The following LY75 variants were observed in gnomAD, a reference collection of about 807,000 sequenced individuals.
The protein encoded by LY75 is C-type lectin domain family 13 member B.
Under a neutral mutation model 231.7 loss-of-function variants are expected in LY75, and 185 were observed. The ratio of observed to expected loss-of-function variants is 0.80; its 90% CI spans 0.71 to 0.90. The LOEUF (loss-of-function observed/expected upper bound fraction) is 0.90, where lower values mean the gene tolerates loss of function less well. LY75 is among the 40% of genes least tolerant of loss of function. The pLI, the probability that LY75 is intolerant of heterozygous loss-of-function variation, is 0.00. For synonymous variants in LY75, 668 were observed against 689.0 expected, an observed-to-expected ratio of 0.97 and a Z score of 0.48; for missense variants, 1,947 against 2,050.2, an observed-to-expected ratio of 0.95 and a Z score of 0.97.
chr2:159,821,610 AGTCT>A (rs1171159404), intron 28 of LY75, among the ~76,000 whole-genome samples: 6 of 130,070 alleles, frequency 4.6e-5, no homozygotes, highest in African/African-American at 1.2e-4. Context: ...CAAGAGCAAA[AGTCT>A]GTCTCAAAAA....
chr2:159,856,933 A>G (rs1353495744), intron 16 of LY75, among the ~76,000 whole-genome samples: 1 of 152,170 alleles, frequency 6.6e-6, no homozygotes, highest in African/African-American at 2.4e-5. Context: ...AGCAGCTCCC[A>G]TCGAGGGCAC....
At chr2:159,806,008 C>T (rs7599275) in intron 34 of LY75, among the ~76,000 whole-genome samples, 6,773 of 152,238 alleles carry the variant, frequency 0.044, 199 homozygotes, top group East Asian at 0.095. Context: ...CAACTGGTAC[C>T]TCTGTCTGTT....
At chr2:159,899,083 T>G in intron 1 of LY75, 24 bp from the exon 2 acceptor site, 1 of 1,599,600 alleles carries the variant, frequency 6.3e-7, no homozygotes, top group South Asian at 1.1e-5. Flanking sequence ...ACAGACAGAT[T>G]GTAGATTATG....
At position 159,815,389 on chromosome 2, in the gene LY75, G is replaced by A; in HGVS notation, c.4549+16C>T. On this transcript the variant is annotated intron_variant, in intron 31 of 34. Coordinates refer to ENST00000263636, the MANE Select transcript of LY75 (RefSeq NM_002349.4). Reference sequence around the variant, plus strand: ...ACATTTTCATAAATGTACTGTTACTGAAATTGAAGTCTTACATTTTGTAGG... The same window carrying A: ...ACATTTTCATAAATGTACTGTTACTAAAATTGAAGTCTTACATTTTGTAGG... 1 of 1,577,322 alleles carries A rather than the reference G, an allele frequency of 6.3e-7. No homozygotes were observed.
chr2:159,837,874 C>A (rs1470403581), intron 25 of LY75, among the ~76,000 whole-genome samples: 1 of 152,174 alleles, frequency 6.6e-6, no homozygotes, highest in Non-Finnish European at 1.5e-5. Flanking sequence ...ACTAAGATGT[C>A]CCAATTCTTG....
chr2:159,880,790 A>C (rs1298276432), intron 8 of LY75, among the ~76,000 whole-genome samples: 2 of 152,168 alleles, frequency 1.3e-5, no homozygotes, highest in African/African-American at 4.8e-5. Flanking sequence ...AGTGCAACCT[A>C]GATCCCTTGC....
chr2:159,843,418 T>C (rs1198627218), intron 23 of LY75, among the ~76,000 whole-genome samples: 3 of 151,866 alleles, frequency 2.0e-5, no homozygotes, highest in African/African-American at 7.3e-5. Flanking sequence ...ATTAGCATAA[T>C]TGTCATAACG....
chr2:159,842,417 G>T, intron 23 of LY75, 43 bp from the exon 24 acceptor site: 1 of 1,563,766 alleles, frequency 6.4e-7, no homozygotes, highest in Non-Finnish European at 8.7e-7. Flanking sequence ...ATGTAACAAT[G>T]GTCTGAAGCT....
rs749089033 is a variant in LY75 at position 159,854,511 on chromosome 2, G to C, written c.2444C>G (p.Pro815Arg). The C allele has an allele frequency of 1.2e-6, 2 of 1,612,618 alleles. No homozygotes were observed. The highest frequency in any genetic ancestry group is 1.7e-6 in the Non-Finnish European group (2 of 1,179,312). Residue 815 changes from proline to arginine, a missense_variant, in exon 18 of 35, where the codon CCA becomes CGA. Physicochemically the swap from Pro to Arg is moderately radical, Grantham distance 103. Coordinates refer to ENST00000263636, the MANE Select transcript of LY75 (RefSeq NM_002349.4). ...ATATTCACTTCCTTCAATTATAAGT[G>C]GAGGTCCATGAATTCCAGCACGGTC... Reference protein sequence around the residue: ...NPDRAGIHGPPLIIEGSEYWF... With the variant: ...NPDRAGIHGPRLIIEGSEYWF...
At chr2:159,866,205 T>C (rs1351814900) in intron 13 of LY75, among the ~76,000 whole-genome samples, 2 of 152,062 alleles carry the variant, frequency 1.3e-5, no homozygotes, top group Admixed American at 6.6e-5. Flanking sequence ...TAGCTACAAG[T>C]CTACAGAGAA....
chr2:159,893,775 C>T, intron 3 of LY75, 139 bp downstream of exon 3: 2 of 1,264,308 alleles, frequency 1.6e-6, no homozygotes, highest in Non-Finnish European at 2.1e-6. Flanking sequence ...TTACCTCTCT[C>T]TTCTCCTCCA....
chr2:159,849,023 A>C (rs1262706455), intron 23 of LY75, among the ~76,000 whole-genome samples: 1 of 152,152 alleles, frequency 6.6e-6, no homozygotes, highest in East Asian at 1.9e-4. Context: ...TATGCTTAAA[A>C]GTTTAAACTG....
At chr2:159,824,856 C>CT (rs145316090) in intron 28 of LY75, among the ~76,000 whole-genome samples, 131,915 of 152,162 alleles carry the variant, frequency 0.87, 57,600 homozygotes, top group African/African-American at 0.97. Context: ...TCCTGAATGA[C>CT]ACTGGGTAAA....
At chr2:159,823,126 A>C (rs142499043) in intron 28 of LY75, among the ~76,000 whole-genome samples, 2 of 152,300 alleles carry the variant, frequency 1.3e-5, no homozygotes, top group Admixed American at 6.5e-5. Flanking sequence ...TGGGCTTCAG[A>C]AGGTGGGTAA....
chr2:159,887,707 G>A (rs1019061468), intron 4 of LY75, among the ~76,000 whole-genome samples: 1 of 152,036 alleles, frequency 6.6e-6, no homozygotes, highest in Non-Finnish European at 1.5e-5. Context: ...CACACTGGAA[G>A]AGGAACTTGA....
At position 159,879,370 on chromosome 2, in the gene LY75, C is replaced by A. The variant is rs1281582165; in HGVS notation, c.1405-1G>T. On this transcript the variant is annotated splice_acceptor_variant, in intron 8 of 34. Transcript: ENST00000263636. LOFTEE classifies it high-confidence loss of function. ...ATGATTGGACTTTCCACTGACCTAG[C>A]TTTGAAAGGAGACAAAAACATTTGC... 1 of 1,612,304 alleles carries A rather than the reference C, an allele frequency of 6.2e-7. No individual in the cohort carries two copies. Among genetic ancestry groups the A allele is most frequent in the Admixed American group, 1.7e-5 (1 of 59,596 alleles).
At chr2:159,848,393 G>T (rs1237668454) in intron 23 of LY75, among the ~76,000 whole-genome samples, 2 of 151,812 alleles carry the variant, frequency 1.3e-5, no homozygotes, top group Non-Finnish European at 2.9e-5. Context: ...AATGAACTTT[G>T]GGGGACTTAG....
intron 12 of LY75, among the ~76,000 whole-genome samples, chr2:159,874,846 TAA>T (rs199580207): frequency 0.48 from 38,221 of 79,804 alleles, 9,984 homozygotes; most frequent in Non-Finnish European, 0.65. Context: ...TAAATATATG[TAA>T]ATATATATAT....
Position 159,807,111 on chromosome 2 carries a change from C to G in LY75, c.4852G>C (p.Glu1618Gln). 1.9e-6 allele frequency: 3 copies of G among 1,613,692 alleles called. No individual in the cohort carries two copies. The East Asian group carries it at 6.7e-5, about 36-fold the overall frequency. Residue 1618 changes from glutamate to glutamine, a missense_variant, in exon 34 of 35, where the codon GAA (glutamate) becomes CAA (glutamine). Transcript: ENST00000263636. ...TTTTCCCATTTGACAAATGTCACTT[C>G]TGATCCATCTAACCAACTCCAAGAC... is the stretch of plus-strand genomic sequence containing the variant. ...DQSWSWLDGS[E>Q]VTFVKWENKS...
Sources: allele counts gnomAD v4.1 joint callset (sites outside exome capture counted in the v4.1 genomes callset), GRCh38; gene constraint gnomAD v4.1.1; transcripts MANE v1.5; gene names NCBI Gene and HGNC (gene_info 2026-07-23, HGNC 2026-07-21).